PRRC2C: variants seen among roughly 807,000 people sequenced by gnomAD.
The protein encoded by PRRC2C is proline rich coiled-coil 2C.
PRRC2C carries 72 observed loss-of-function variants against 317.2 expected under a neutral mutation model. That is an observed-to-expected ratio of 0.23 (90% CI 0.19 to 0.28). PRRC2C has a LOEUF of 0.28. Ranked by LOEUF, PRRC2C falls within the 10% of genes least tolerant of loss-of-function variation. The pLI, the probability that PRRC2C is intolerant of heterozygous loss-of-function variation, is 1.00. For missense variants in PRRC2C, 3,074 were observed against 3,459.7 expected, an observed-to-expected ratio of 0.89 and a Z score of 2.80; for synonymous variants, 1,296 against 1,205.9, an observed-to-expected ratio of 1.07 and a Z score of -1.55.
rs539420146 is a variant in PRRC2C, at chr1:171,545,569, A to G, written c.4854A>G (p.Thr1618=). The change falls in exon 17 of 35, where the codon ACA becomes ACG. Residue 1618 remains threonine, a synonymous_variant. Transcript: ENST00000647382. The part of the protein sequence containing the change: ...AHHQEGVPNG[T]GQKNSKDSTG... ...ATCAGGAAGGAGTACCTAATGGTAC[A>G]GGACAAAAGAACTCCAAAGATTCTA... 1.9e-6 allele frequency: 3 copies of G among 1,606,802 alleles called. No homozygotes were observed. Among genetic ancestry groups the G allele is most frequent in the African/African-American group, 2.7e-5 (2 of 74,716 alleles).
chr1:171,525,335 A>C (rs61149631), intron 10 of PRRC2C, among the ~76,000 whole-genome samples: 4,407 of 152,290 alleles, frequency 0.029, 197 homozygotes, highest in African/African-American at 0.1. Context: ...ATGGTACACT[A>C]TCTGTAGGGA....
intron 1 of PRRC2C, among the ~76,000 whole-genome samples, chr1:171,497,236 T>A (rs761055227): frequency 6.6e-6 from 1 of 152,226 alleles, no homozygotes; most frequent in African/African-American, 2.4e-5. Flanking sequence ...TTGTTTTATA[T>A]TTCAGTTTGT....
chr1:171,572,012 T>A (rs1457881203), intron 24 of PRRC2C, among the ~76,000 whole-genome samples: 2 of 152,170 alleles, frequency 1.3e-5, no homozygotes, highest in African/African-American at 2.4e-5. Flanking sequence ...CCTTTTTTTT[T>A]AATCTATTAT....
At position 171,577,618 on chromosome 1, in the gene PRRC2C, T is replaced by C; in HGVS notation, c.7140T>C (p.Tyr2380=). The C allele has an allele frequency of 6.2e-7, 1 of 1,613,126 alleles. No individual in the cohort carries two copies. Among genetic ancestry groups the C allele is most frequent in the Non-Finnish European group, 8.5e-7 (1 of 1,179,162 alleles). ...IAQQQQNPQV[Y]VSQSAAAQIP... ...AGCAGCAACAGAATCCGCAAGTTTA[T>C]GTGTCTCAGTCTGCAGCAGGTAATG... The change falls in exon 26 of 35, where the codon TAT becomes TAC. Residue 2380 remains tyrosine (Y), a synonymous_variant. Coordinates refer to ENST00000647382, the MANE Select transcript of PRRC2C (RefSeq NM_001387844.1).
intron 1 of PRRC2C, among the ~76,000 whole-genome samples, chr1:171,508,417 A>G: frequency 6.6e-6 from 1 of 152,160 alleles, no homozygotes; most frequent in Non-Finnish European, 1.5e-5. Flanking sequence ...TTTACTTTTC[A>G]TTCTGTTAAA....
chr1:171,577,007 C>CATGT (rs1444960788), intron 25 of PRRC2C, among the ~76,000 whole-genome samples: 2 of 152,170 alleles, frequency 1.3e-5, no homozygotes, highest in Admixed American at 6.5e-5. Context: ...TTTCAAGGCC[C>CATGT]ATGTATATTC....
Position 171,541,800 on chromosome 1 carries a change from G to A in PRRC2C, c.4334G>A (p.Arg1445Lys). The change falls in exon 16 of 35, where the codon AGG (arginine) becomes AAG (lysine). Residue 1445 changes from arginine (R) to lysine (K), a missense_variant. Arg to Lys is a conservative substitution (Grantham distance 26). Around this residue, in one of 11 missense-constraint regions of PRRC2C, gnomAD observed 1,320 missense variants for 1,395.7 expected, o/e 0.95. Transcript: ENST00000647382. The surrounding 1 kb of genome is among the most constrained non-coding windows in gnomAD (Gnocchi z 4.1). ...KPPRFRRLREREAASKSNEVV... is the reference protein window; with the variant it reads ...KPPRFRRLREKEAASKSNEVV... ...CCTCGATTTAGACGGCTAAGAGAGA[G>A]GGAGGCTGCTTCAAAATCAAATGAG... 1.2e-6 allele frequency: 2 copies of A among 1,613,946 alleles called. No homozygotes were observed. Among genetic ancestry groups the A allele is most frequent in the Non-Finnish European group, 1.7e-6 (2 of 1,179,886 alleles).
At chr1:171,498,989 T>A (rs1254344008) in intron 1 of PRRC2C, among the ~76,000 whole-genome samples, 1 of 152,132 alleles carries the variant, frequency 6.6e-6, no homozygotes, top group Non-Finnish European at 1.5e-5. Context: ...TCATTTTGTT[T>A]AGAGACCAAG....
At chr1:171,586,063 A>T (rs1169289886) in intron 30 of PRRC2C, among the ~76,000 whole-genome samples, 45 of 83,014 alleles carry the variant, frequency 5.4e-4, no homozygotes, top group African/African-American at 8.5e-4. Context: ...TCAGGTGTTG[A>T]TTTTTTTTTT....
intron 10 of PRRC2C, among the ~76,000 whole-genome samples, chr1:171,525,948 T>G (rs1334438291): frequency 6.6e-6 from 1 of 152,230 alleles, no homozygotes; most frequent in Non-Finnish European, 1.5e-5. Flanking sequence ...GTTTTAATCT[T>G]AAGGCATTGA....
At chr1:171,542,426 C>G (rs1678111095) in intron 16 of PRRC2C, among the ~76,000 whole-genome samples, 197 bp downstream of exon 16, 1 of 152,186 alleles carries the variant, frequency 6.6e-6, no homozygotes, top group Non-Finnish European at 1.5e-5. Context: ...GAGTCTTTGC[C>G]TGCTACGTTA....
At chr1:171,583,448 G>A (rs1649161029) in intron 28 of PRRC2C, among the ~76,000 whole-genome samples, 1 of 152,024 alleles carries the variant, frequency 6.6e-6, no homozygotes, top group South Asian at 2.1e-4. Context: ...GGTCTTCAGG[G>A]GCAGTAACAC....
At position 171,591,389 on chromosome 1, in the gene PRRC2C, T is replaced by A. The variant is rs1341943571; in HGVS notation, c.8437-198T>A. 3.6e-4 allele frequency: 215 copies of A among 594,924 alleles called. 1 individual carries two copies. The highest frequency in any genetic ancestry group is 2.3e-3 in the African/African-American group (117 of 51,260). The allele number at this position is 594,924 out of a possible 1,614,324, so 36.9% of individuals were successfully genotyped here. A position where few individuals can be genotyped will look rare whatever the true frequency, so the allele number is the denominator to read the frequency against. On this transcript the variant is annotated intron_variant, in intron 34 of 34. Coordinates refer to ENST00000647382, the MANE Select transcript of PRRC2C (RefSeq NM_001387844.1). ...GGTCCTGTGGTTTTTTTTTTTTTTTTAAATCACATGAAATATTTCAAAAAT... is the reference window on the plus strand; with the variant it reads ...GGTCCTGTGGTTTTTTTTTTTTTTTAAAATCACATGAAATATTTCAAAAAT...
At chr1:171,525,414 G>A (rs1466838273) in intron 10 of PRRC2C, among the ~76,000 whole-genome samples, 7 of 152,174 alleles carry the variant, frequency 4.6e-5, no homozygotes, top group African/African-American at 1.7e-4. Flanking sequence ...GAAGGGAAAT[G>A]TGTGTGCAAC....
In PRRC2C at chr1:171,540,750, C is replaced by T. The variant is rs1677804849; in HGVS notation, c.3284C>T (p.Ala1095Val). Residue 1095 changes from alanine (A) to valine (V), a missense_variant, in exon 16 of 35, where the codon GCA (alanine) becomes GTA (valine). By Grantham distance (64) the Ala-to-Val change is moderately conservative. This residue lies in a region of PRRC2C where 1,320 missense variants were observed against 1,395.7 expected (regional missense o/e 0.95). Coordinates refer to ENST00000647382, the MANE Select transcript of PRRC2C (RefSeq NM_001387844.1). The stretch of plus-strand genomic sequence containing the variant: ...GAGAAATTTCCTTCAACAGAAACTG[C>T]AACTTTGGCTCAAAAACCATCTCAG... ...EAEKFPSTET[A>V]TLAQKPSQDT... 4 of 1,613,876 alleles carry T rather than the reference C, an allele frequency of 2.5e-6. No homozygotes were observed. The highest frequency in any genetic ancestry group is 3.4e-6 in the Non-Finnish European group (4 of 1,179,886).
At position 171,593,331 on chromosome 1, in the gene PRRC2C, A is replaced by G. The variant is rs1004223309; in HGVS notation, c.*1484A>G. ...TTAGCTGTGCTGTCAACTTTGGAAA[A>G]AGTATCCCGGTTTACTGTGTTGAGT... On this transcript the variant is annotated 3_prime_UTR_variant, in exon 35 of 35. Transcript: ENST00000647382. 2.0e-5 allele frequency: 3 copies of G among 150,872 alleles called. No individual in the cohort carries two copies. Among genetic ancestry groups the G allele is most frequent in the Non-Finnish European group, 4.4e-5 (3 of 67,798 alleles). The allele number at this position is 150,872 out of a possible 1,614,324, so 9.3% of individuals were successfully genotyped here. A position where few individuals can be genotyped will look rare whatever the true frequency, so the allele number is the denominator to read the frequency against.
At chr1:171,513,527 A>T (rs976473301) in intron 3 of PRRC2C, 21 of 448,704 alleles carry the variant, frequency 4.7e-5, no homozygotes, top group Non-Finnish European at 8.5e-5. Context: ...CTGTCTGCCA[A>T]TTTACTGTGT....
In PRRC2C at chr1:171,545,360, A is replaced by G. The variant is rs1386993166; in HGVS notation, c.4764-119A>G. The stretch of plus-strand genomic sequence containing the variant: ...ACTAATGCTTGTTTGGTTACAGTTA[A>G]GAGTTTTCTATCCCAACAGTGTTTC... On this transcript the variant is annotated intron_variant, in intron 16 of 34. Transcript: ENST00000647382. 3.7e-6 allele frequency: 3 copies of G among 807,484 alleles called. No homozygotes were observed. The African/African-American group carries it at 5.3e-5, about 14-fold the overall frequency. The allele number at this position is 807,484 out of a possible 1,614,324, so 50.0% of individuals were successfully genotyped here.
intron 1 of PRRC2C, among the ~76,000 whole-genome samples, chr1:171,509,169 G>A (rs894266321): frequency 1.3e-5 from 2 of 152,214 alleles, no homozygotes; most frequent in African/African-American, 4.8e-5. Flanking sequence ...ACAGGCCAAA[G>A]CCACCGTGCC....
Sources: gnomAD v4.1 joint callset for allele counts (sites outside exome capture counted in the v4.1 genomes callset) on GRCh38, gnomAD v4.1.1 for gene constraint, gnomAD v4.1.1 regional missense constraint, Gnocchi (gnomAD v3.1) non-coding constraint, MANE v1.5 for transcripts, NCBI Gene and HGNC (gene_info 2026-07-23, HGNC 2026-07-21) for gene names.